The following ACSM1 variants were observed in gnomAD, a reference collection of about 807,000 sequenced individuals.
ACSM1 encodes the protein acyl-CoA synthetase medium chain family member 1.
ACSM1 carries 79 observed loss-of-function variants against 75.8 expected under a neutral mutation model. That is an observed-to-expected ratio of 1.04 (90% CI 0.87 to 1.26). ACSM1 has a LOEUF of 1.26. ACSM1 is among the 50% of genes most tolerant of loss of function. The probability of loss-of-function intolerance (pLI) is 0.00; values close to 1 mark genes in which losing one functional copy is unlikely to be tolerated. For missense variants in ACSM1, 676 were observed against 720.1 expected, an observed-to-expected ratio of 0.94 and a Z score of 0.70; for synonymous variants, 279 against 265.8, an observed-to-expected ratio of 1.05 and a Z score of -0.48.
intron 10 of ACSM1, among the ~76,000 whole-genome samples, chr16:20,635,202 C>T (rs182340352): frequency 5.3e-5 from 8 of 152,106 alleles, no homozygotes; most frequent in East Asian, 3.9e-4. Flanking sequence ...TGAAAGTAGT[C>T]TGGGCAACAT....
intron 10 of ACSM1, among the ~76,000 whole-genome samples, chr16:20,629,158 T>C (rs961564348): frequency 6.6e-6 from 1 of 152,174 alleles, no homozygotes; most frequent in East Asian, 1.9e-4. Flanking sequence ...AAAATTGTTT[T>C]TTTTAAGCCT....
intron 3 of ACSM1, among the ~76,000 whole-genome samples, chr16:20,684,843 G>A (rs1336363364): frequency 2.6e-5 from 4 of 152,158 alleles, no homozygotes; most frequent in South Asian, 4.1e-4. Flanking sequence ...AAGAGAAAGT[G>A]TATGTGTGTT....
chr16:20,644,955 T>C (rs962588078), intron 7 of ACSM1, among the ~76,000 whole-genome samples: 4 of 152,212 alleles, frequency 2.6e-5, no homozygotes, highest in Non-Finnish European at 5.9e-5. Context: ...AATTACTCTA[T>C]CTCAATCCTG....
rs2079646681 is a variant in ACSM1, at chr16:20,691,146, TG to T, written c.42del (p.His14GlnfsTer64). On this transcript the variant is annotated frameshift_variant, in exon 2 of 14. Coordinates refer to ENST00000520010, the MANE Select transcript of ACSM1 (RefSeq NM_001318890.3). LOFTEE classifies it high-confidence loss of function. ...GCAGGGTGGATGTTGTGGAAGGATTTGTGGATGCCCCAGAGGGTCCGGAACC... is the reference window on the plus strand; with the variant it reads ...GCAGGGTGGATGTTGTGGAAGGATTTTGGATGCCCCAGAGGGTCCGGAACC... Reference protein sequence around the residue: ...LMRFRTLWGIHKSFHNIHPAP... With the variant: ...LMRFRTLWGIXKSFHNIHPAP... 1.2e-6 allele frequency: 2 copies of T among 1,612,228 alleles called. No individual in the cohort carries two copies. The highest frequency in any genetic ancestry group is 2.7e-5 in the African/African-American group (2 of 74,846).
intron 2 of ACSM1, 116 bp from the exon 3 acceptor site, chr16:20,685,519 C>A (rs1725083655): frequency 2.0e-6 from 2 of 990,256 alleles, no homozygotes; most frequent in Non-Finnish European, 3.2e-6. Flanking sequence ...GGACTGAGAT[C>A]CCATTTTAAA....
chr16:20,637,542 A>T (rs1404908941), intron 8 of ACSM1, 91 bp from the exon 9 acceptor site: 1 of 1,125,624 alleles, frequency 8.9e-7, no homozygotes, highest in East Asian at 2.4e-5. Flanking sequence ...CTCTGCTCAG[A>T]GATGTAGTAT....
At chr16:20,630,530 A>T (rs561985182) in intron 10 of ACSM1, among the ~76,000 whole-genome samples, 2 of 152,354 alleles carry the variant, frequency 1.3e-5, no homozygotes, top group Admixed American at 1.3e-4. Flanking sequence ...TGAAGCAAAC[A>T]TTGTCAGAAT....
At chr16:20,685,085 C>T in intron 3 of ACSM1, 108 bp downstream of exon 3, 1 of 1,205,878 alleles carries the variant, frequency 8.3e-7, no homozygotes, top group Non-Finnish European at 1.2e-6. Flanking sequence ...GGGGCGAAGG[C>T]TTCAAAGCTG....
intron 10 of ACSM1, among the ~76,000 whole-genome samples, chr16:20,633,483 A>T (rs1443345099): frequency 6.6e-6 from 1 of 152,208 alleles, no homozygotes; most frequent in Non-Finnish European, 1.5e-5. Context: ...GAGGCAAAAG[A>T]CTTGTACACT....
At chr16:20,651,060 T>C (rs1338135770) in intron 7 of ACSM1, among the ~76,000 whole-genome samples, 3 of 152,210 alleles carry the variant, frequency 2.0e-5, no homozygotes, top group African/African-American at 7.2e-5. Flanking sequence ...TAAAGCCTTC[T>C]ATAATTTTAT....
At chr16:20,673,396 T>C (rs1195862516) in intron 4 of ACSM1, among the ~76,000 whole-genome samples, 1 of 152,114 alleles carries the variant, frequency 6.6e-6, no homozygotes, top group Non-Finnish European at 1.5e-5. Context: ...TTTTCAAGAG[T>C]ACTCTGTTTT....
intron 4 of ACSM1, among the ~76,000 whole-genome samples, chr16:20,677,081 G>C (rs1466676231): frequency 6.6e-6 from 1 of 152,032 alleles, no homozygotes. Context: ...CCAACCACCT[G>C]GTGTCAAATA....
chr16:20,628,610 T>C (rs1376080046), intron 10 of ACSM1, among the ~76,000 whole-genome samples: 1 of 152,176 alleles, frequency 6.6e-6, no homozygotes, highest in East Asian at 1.9e-4. Flanking sequence ...CACAAACGGT[T>C]TGATCCTTTT....
chr16:20,628,167 A>G (rs1010997209), intron 10 of ACSM1, among the ~76,000 whole-genome samples: 3 of 152,032 alleles, frequency 2.0e-5, no homozygotes, highest in East Asian at 1.9e-4. Context: ...GTTATAAAAA[A>G]TAATGTGGAT....
At chr16:20,663,733 G>A (rs2019412984) in intron 6 of ACSM1, among the ~76,000 whole-genome samples, 1 of 151,026 alleles carries the variant, frequency 6.6e-6, no homozygotes, top group African/African-American at 2.4e-5. Context: ...CTTAATTGCT[G>A]GTATCTTTCT....
At chr16:20,667,390 T>C (rs1447035822) in intron 6 of ACSM1, among the ~76,000 whole-genome samples, 1 of 151,968 alleles carries the variant, frequency 6.6e-6, no homozygotes, top group African/African-American at 2.4e-5. Flanking sequence ...CATGCAAGCA[T>C]CCAACAAACA....
chr16:20,656,726 C>T (rs965771472), intron 7 of ACSM1, among the ~76,000 whole-genome samples: 3 of 151,998 alleles, frequency 2.0e-5, no homozygotes, highest in Non-Finnish European at 4.4e-5. Flanking sequence ...TTTGACATCC[C>T]GCTGGGCCTG....
At chr16:20,685,855 T>TAAAA (rs2079545621) in intron 2 of ACSM1, among the ~76,000 whole-genome samples, 1 of 105,028 alleles carries the variant, frequency 9.5e-6, no homozygotes, top group Non-Finnish European at 2.4e-5. Context: ...AACAAAAAAC[T>TAAAA]TATAGCATCA....
At chr16:20,627,158 C>T in intron 11 of ACSM1, 31 bp downstream of exon 11, 1 of 1,497,652 alleles carries the variant, frequency 6.7e-7, no homozygotes. Context: ...GTGACGGCAA[C>T]AACAGCCAGC....
Sources: allele counts gnomAD v4.1 joint callset (sites outside exome capture counted in the v4.1 genomes callset), GRCh38; gene constraint gnomAD v4.1.1; transcripts MANE v1.5; gene names NCBI Gene and HGNC (gene_info 2026-07-23, HGNC 2026-07-21).